Variants in CDC14B observed in about 807,000 individuals in gnomAD.
CDC14B encodes cell division cycle 14B.
Under a neutral mutation model 64.2 loss-of-function variants are expected in CDC14B, and 22 were observed. The observed-to-expected ratio is 0.34, with a 90% CI of 0.24 to 0.49. The LOEUF (loss-of-function observed/expected upper bound fraction) is 0.49, where lower values mean the gene tolerates loss of function less well. CDC14B is among the 20% of genes least tolerant of loss of function. CDC14B has a pLI of 0.99. For missense variants in CDC14B, 498 were observed against 629.9 expected (o/e 0.79, Z 2.24); for synonymous variants, 191 against 215.8 (o/e 0.89, Z 1.01).
At position 96,503,654 on chromosome 9, in the gene CDC14B, T is replaced by C; in HGVS notation, c.*99A>G. The stretch of plus-strand genomic sequence containing the variant: ...CAACTTCTTAGGTGGAAAAAGCAAC[T>C]AAGGCTTTTGCAATTTTGTTTTGTT... On this transcript the variant is annotated 3_prime_UTR_variant, in exon 14 of 14. Coordinates refer to ENST00000375241, the MANE Select transcript of CDC14B (RefSeq NM_033331.4). The C allele has an allele frequency of 9.2e-7, 1 of 1,081,402 alleles. No individual in the cohort carries two copies. Among genetic ancestry groups the C allele is most frequent in the South Asian group, 1.3e-5 (1 of 74,804 alleles). The allele number at this position is 1,081,402 out of a possible 1,614,324, so 67.0% of individuals were successfully genotyped here. A position where few individuals can be genotyped will look rare whatever the true frequency, so the allele number is the denominator to read the frequency against.
intron 7 of CDC14B, among the ~76,000 whole-genome samples, chr9:96,537,481 G>C (rs898995166): frequency 1.3e-5 from 2 of 152,174 alleles, no homozygotes; most frequent in East Asian, 3.9e-4. Context: ...GGCACATGAC[G>C]TAAGTCAGGC....
chr9:96,588,901 G>A (rs1387589123), intron 1 of CDC14B, among the ~76,000 whole-genome samples: 1 of 152,178 alleles, frequency 6.6e-6, no homozygotes, highest in African/African-American at 2.4e-5. Flanking sequence ...ATAACAAAGT[G>A]ATGTTTAGCT....
intron 7 of CDC14B, among the ~76,000 whole-genome samples, chr9:96,538,295 A>G (rs1839563033): frequency 6.6e-6 from 1 of 152,244 alleles, no homozygotes; most frequent in Non-Finnish European, 1.5e-5. Context: ...CATCAAATGC[A>G]GAAATTCCCA....
At chr9:96,560,087 A>C (rs536603964) in intron 4 of CDC14B, among the ~76,000 whole-genome samples, 1 of 150,024 alleles carries the variant, frequency 6.7e-6, no homozygotes, top group Non-Finnish European at 1.5e-5. Flanking sequence ...TGTTTTTAAG[A>C]CAACCCTGAC....
chr9:96,580,621 G>A (rs148485721), intron 1 of CDC14B, among the ~76,000 whole-genome samples: 19 of 152,248 alleles, frequency 1.2e-4, no homozygotes, highest in African/African-American at 3.8e-4. Context: ...GCATGTAACC[G>A]GTAACCCAGC....
At chr9:96,544,554 G>A (rs748267553) in intron 5 of CDC14B, among the ~76,000 whole-genome samples, 1 of 152,010 alleles carries the variant, frequency 6.6e-6, no homozygotes, top group Non-Finnish European at 1.5e-5. Flanking sequence ...GAGTGCAGTG[G>A]TGCAATCATG....
intron 9 of CDC14B, among the ~76,000 whole-genome samples, chr9:96,528,282 G>A (rs1357650406): frequency 6.6e-6 from 1 of 152,126 alleles, no homozygotes; most frequent in Non-Finnish European, 1.5e-5. Context: ...AGAACTTTGG[G>A]AGGCCAAGGC....
chr9:96,514,760 G>C, intron 12 of CDC14B: 1 of 985,486 alleles, frequency 1.0e-6, no homozygotes, highest in Non-Finnish European at 1.2e-6. Context: ...AAGGGTGGCG[G>C]TGGACCCCGT....
chr9:96,607,816 A>G (rs1847069295), intron 1 of CDC14B, among the ~76,000 whole-genome samples: 1 of 152,086 alleles, frequency 6.6e-6, no homozygotes. Context: ...CTCATGCTGG[A>G]GTAGAGTCGA....
chr9:96,544,106 A>T (rs758837377), intron 5 of CDC14B, among the ~76,000 whole-genome samples: 1 of 151,974 alleles, frequency 6.6e-6, no homozygotes, highest in African/African-American at 2.4e-5. Flanking sequence ...AGTCCCAGCT[A>T]CCCGGGAGGC....
At chr9:96,519,972 G>A (rs540013753) in intron 12 of CDC14B, among the ~76,000 whole-genome samples, 1 of 152,332 alleles carries the variant, frequency 6.6e-6, no homozygotes, top group South Asian at 2.1e-4. Flanking sequence ...CAACTGTTGA[G>A]AACAGTCCCT....
chr9:96,495,564 C>T (rs532912454), downstream of CDC14B, among the ~76,000 whole-genome samples: 1 of 152,318 alleles, frequency 6.6e-6, no homozygotes, highest in African/African-American at 2.4e-5. Context: ...TTTCAAGTAT[C>T]TGAGACAAGT....
At chr9:96,510,731 G>A (rs937337804) in intron 12 of CDC14B, among the ~76,000 whole-genome samples, 1 of 151,436 alleles carries the variant, frequency 6.6e-6, no homozygotes. Flanking sequence ...TCAGCCTCCT[G>A]AGTAGCTGGG....
At chr9:96,509,079 T>C (rs971150481) in intron 13 of CDC14B, among the ~76,000 whole-genome samples, 1 of 152,210 alleles carries the variant, frequency 6.6e-6, no homozygotes, top group Admixed American at 6.5e-5. Flanking sequence ...GGATCTGTTT[T>C]CAGAATACTT....
intron 4 of CDC14B, among the ~76,000 whole-genome samples, chr9:96,557,121 G>A (rs1316929230): frequency 6.6e-6 from 1 of 152,208 alleles, no homozygotes; most frequent in Non-Finnish European, 1.5e-5. Context: ...CAGTGGAAAC[G>A]CCCGTCAGAA....
At chr9:96,570,365 G>A (rs562764554) in intron 1 of CDC14B, among the ~76,000 whole-genome samples, 1 of 152,200 alleles carries the variant, frequency 6.6e-6, no homozygotes, top group South Asian at 2.1e-4. Flanking sequence ...TTTGGACCTA[G>A]AGACACTTTG....
chr9:96,530,431 A>G (rs1278282411), intron 9 of CDC14B, among the ~76,000 whole-genome samples: 1 of 129,542 alleles, frequency 7.7e-6, no homozygotes, highest in South Asian at 2.5e-4. Flanking sequence ...CGCCCGGCTA[A>G]TTTTTTTTTT....
rs35906310 is a variant in CDC14B, at chr9:96,616,841, T to C, written c.160+2378A>G. Among the ~76,000 whole-genome samples the C allele has an allele frequency of 5.2e-3, 799 of 152,242 alleles. 3 individuals are homozygous for C. Among genetic ancestry groups the C allele is most frequent in the Non-Finnish European group, 8.4e-3 (573 of 68,012 alleles). On this transcript the variant is annotated intron_variant, in intron 1 of 13. Transcript: ENST00000375241. The stretch of plus-strand genomic sequence containing the variant: ...AACACGTTGAGAAGGAAGGGACCAG[T>C]TTGCCACTTGCTGAGGACAGGCCTC...
Position 96,523,652 on chromosome 9 carries a change from G to A in CDC14B, c.1020C>T (p.Thr340=). 3.7e-6 allele frequency: 6 copies of A among 1,614,140 alleles called. No individual in the cohort carries two copies. The highest frequency in any genetic ancestry group is 5.1e-6 in the Non-Finnish European group (6 of 1,180,040). Residue 340 remains threonine, a synonymous_variant, in exon 10 of 14, where the codon ACC becomes ACT. Transcript: ENST00000375241. ...GTCTGCAGATCCTGACCCACGCAAT[G>A]GTCTCGGCTGCTGTCATCCTGTAAT... ...MKHYRMTAAE[T]IAWVRICRPG...
Sources: allele counts gnomAD v4.1 joint callset (sites outside exome capture counted in the v4.1 genomes callset), GRCh38; gene constraint gnomAD v4.1.1; transcripts MANE v1.5; gene names NCBI Gene and HGNC (gene_info 2026-07-23, HGNC 2026-07-21).